ASS1: variants seen among roughly 807,000 people sequenced by gnomAD.
ASS1 encodes the protein argininosuccinate synthase.
In ASS1, 58 loss-of-function variants were observed where a neutral mutation model predicts 60.5. That is an observed-to-expected ratio of 0.96 (90% CI 0.78 to 1.19). The LOEUF is 1.19. Among genes scored for constraint, ASS1 ranks in the 50% most tolerant of loss-of-function variants. ASS1 has a pLI of 0.00. For synonymous variants in ASS1, 200 were observed against 206.9 expected (o/e 0.97, Z 0.29); for missense variants, 454 against 547.3 (o/e 0.83, Z 1.70).
At chr9:130,498,250 C>T (rs1274298242) in intron 13 of ASS1, among the ~76,000 whole-genome samples, 1 of 152,174 alleles carries the variant, frequency 6.6e-6, no homozygotes, top group Non-Finnish European at 1.5e-5. Context: ...CCTCCCAACA[C>T]CGACCCCCGC....
chr9:130,491,655 C>G lies in ASS1; in HGVS notation c.970+2191C>G, dbSNP rs975275300. Among the ~76,000 whole-genome samples the G allele has an allele frequency of 6.6e-6, 1 of 152,220 alleles. No homozygotes were observed. Among genetic ancestry groups the G allele is most frequent in the South Asian group, 2.1e-4 (1 of 4,834 alleles). ...GTGTAGGGCACAGTTTGGCTCCTGG[C>G]TGCGGTCACGATGCCTCTACACTGG... On this transcript the variant is annotated intron_variant, in intron 12 of 14. Coordinates refer to ENST00000352480, the MANE Select transcript of ASS1 (RefSeq NM_054012.4). The surrounding 1 kb of genome is among the most constrained non-coding windows in gnomAD (Gnocchi z 5.3).
chr9:130,462,142 G>A (rs1845611557), intron 4 of ASS1, among the ~76,000 whole-genome samples: 1 of 152,128 alleles, frequency 6.6e-6, no homozygotes, highest in Non-Finnish European at 1.5e-5. Context: ...CCCTTGCGGG[G>A]CTCCTCTCTC....
intron 4 of ASS1, among the ~76,000 whole-genome samples, chr9:130,463,267 C>A (rs550132667): frequency 6.6e-6 from 1 of 152,254 alleles, no homozygotes; most frequent in Non-Finnish European, 1.5e-5. Flanking sequence ...GAGACGTGCG[C>A]GGCCATTTTC....
At chr9:130,479,866 C>T (rs1846124561) in intron 10 of ASS1, 66 bp downstream of exon 10, 2 of 1,503,624 alleles carry the variant, frequency 1.3e-6, no homozygotes, top group Non-Finnish European at 1.9e-6. Context: ...GAGCCTGGAC[C>T]GTTGCAGCTA....
At chr9:130,499,377 G>A in intron 13 of ASS1, 128 bp from the exon 14 acceptor site, 1 of 947,458 alleles carries the variant, frequency 1.1e-6, no homozygotes, top group Admixed American at 2.0e-5. Flanking sequence ...CGTGCAGGGA[G>A]GGTTTGGACC....
intron 1 of ASS1, among the ~76,000 whole-genome samples, chr9:130,447,118 A>T (rs1845213172): frequency 6.6e-6 from 1 of 152,166 alleles, no homozygotes; most frequent in Non-Finnish European, 1.5e-5. Context: ...GGCTCTCCAG[A>T]GAAATAGTGG....
chr9:130,461,387 C>CAA (rs1588478231), intron 4 of ASS1, among the ~76,000 whole-genome samples: 2 of 151,950 alleles, frequency 1.3e-5, no homozygotes, highest in Non-Finnish European at 2.9e-5. Flanking sequence ...TGGGGGCCGA[C>CAA]AAAGGCGGGA....
At chr9:130,482,211 T>C (rs1342929750) in intron 11 of ASS1, among the ~76,000 whole-genome samples, 2 of 151,832 alleles carry the variant, frequency 1.3e-5, no homozygotes, top group East Asian at 1.9e-4. Context: ...TTCAAACTCA[T>C]GTATGGTGGC....
chr9:130,454,737 C>T (rs1845400934), intron 3 of ASS1, among the ~76,000 whole-genome samples: 1 of 152,036 alleles, frequency 6.6e-6, no homozygotes, highest in South Asian at 2.1e-4. Context: ...TCCATCCATC[C>T]ATCCATTCAG....
chr9:130,452,275 A>C lies in ASS1; in HGVS notation c.47A>C (p.Asp16Ala). The C allele has an allele frequency of 1.2e-6, 2 of 1,614,126 alleles. No individual in the cohort carries two copies. The highest frequency in any genetic ancestry group is 1.7e-6 in the Non-Finnish European group (2 of 1,180,024). Reference sequence around the variant, plus strand: ...GTTCTGGCCTACAGTGGCGGCCTGGACACCTCGTGCATCCTCGTGTGGCTG... The same window carrying C: ...GTTCTGGCCTACAGTGGCGGCCTGGCCACCTCGTGCATCCTCGTGTGGCTG... ...SVVLAYSGGL[D>A]TSCILVWLKE... Residue 16 changes from aspartate (D) to alanine (A), a missense_variant, in exon 2 of 15, where the codon GAC becomes GCC. Coordinates refer to ENST00000352480, the MANE Select transcript of ASS1 (RefSeq NM_054012.4).
intron 1 of ASS1, chr9:130,445,314 C>G (rs939651392): frequency 8.6e-5 from 74 of 860,894 alleles, no homozygotes; most frequent in Non-Finnish European, 9.3e-5. Context: ...TTTCTGGACT[C>G]CTTGTCGGAT....
In ASS1 at chr9:130,454,313, T is replaced by C; in HGVS notation, c.114T>C (p.Ile38=). The C allele has an allele frequency of 6.2e-7, 1 of 1,611,816 alleles. No homozygotes were observed. The highest frequency in any genetic ancestry group is 8.5e-7 in the Non-Finnish European group (1 of 1,179,408). ...CCGCTTCTGCTTCTCAGGCCAACAT[T>C]GGCCAGAAGGAAGACTTCGAGGAAG... The part of the protein sequence containing the change: ...GYDVIAYLAN[I]GQKEDFEEAR... Residue 38 remains isoleucine (I), a synonymous_variant, in exon 3 of 15, where the codon ATT becomes ATC. Coordinates refer to ENST00000352480, the MANE Select transcript of ASS1 (RefSeq NM_054012.4).
At chr9:130,448,995 C>T (rs916675130) in intron 1 of ASS1, among the ~76,000 whole-genome samples, 1 of 152,170 alleles carries the variant, frequency 6.6e-6, no homozygotes, top group African/African-American at 2.4e-5. Flanking sequence ...GGAGATGGTC[C>T]CTGTTTCCAT....
chr9:130,494,961 G>C lies in ASS1; in HGVS notation c.1065G>C (p.Lys355Asn), dbSNP rs1846543557. 6.2e-7 allele frequency: 1 copy of C among 1,613,662 alleles called. No individual in the cohort carries two copies. The highest frequency in any genetic ancestry group is 8.5e-7 in the Non-Finnish European group (1 of 1,179,994). ...VEGKVQVSVLKGQVYILGRES... is the reference protein window; with the variant it reads ...VEGKVQVSVLNGQVYILGRES... Reference sequence around the variant, plus strand: ...GGAAAGTGCAGGTGTCCGTCCTCAAGGGCCAGGTGTACATCCTCGGCCGGG... The same window carrying C: ...GGAAAGTGCAGGTGTCCGTCCTCAACGGCCAGGTGTACATCCTCGGCCGGG... Residue 355 changes from lysine (K) to asparagine (N), a missense_variant, in exon 13 of 15, where the codon AAG becomes AAC. Physicochemically the swap from Lys to Asn is moderately conservative, Grantham distance 94. Coordinates refer to ENST00000352480, the MANE Select transcript of ASS1 (RefSeq NM_054012.4). This position sits in a 1 kb window ranked among gnomAD's most constrained non-coding sequence, Gnocchi z 4.3.
At chr9:130,483,735 C>T (rs1455383588) in intron 11 of ASS1, among the ~76,000 whole-genome samples, 2 of 145,112 alleles carry the variant, frequency 1.4e-5, no homozygotes, top group East Asian at 2.0e-4. Flanking sequence ...TGCCTGCCCC[C>T]GCCTTGCTCC....
At chr9:130,483,645 C>T (rs1395452892) in intron 11 of ASS1, among the ~76,000 whole-genome samples, 1 of 151,864 alleles carries the variant, frequency 6.6e-6, no homozygotes, top group African/African-American at 2.4e-5. Flanking sequence ...CAGCCTCTTT[C>T]TCTGTCTCCT....
At position 130,478,099 on chromosome 9, in the gene ASS1, T is replaced by A. The variant is rs114631977; in HGVS notation, c.688+1138T>A. Among the ~76,000 whole-genome samples the A allele has an allele frequency of 7.4e-4, 113 of 152,180 alleles. No homozygotes were observed. The highest frequency in any genetic ancestry group is 2.7e-3 in the African/African-American group (111 of 41,520). ...GCCCGGCATGGTATGTGGAATGGGG[T>A]GTCGGAGGCTAAGTGCTTTAATAAT... On this transcript the variant is annotated intron_variant, in intron 9 of 14. Transcript: ENST00000352480. This position sits in a 1 kb window ranked among gnomAD's most constrained non-coding sequence, Gnocchi z 4.7.
intron 11 of ASS1, among the ~76,000 whole-genome samples, chr9:130,482,326 G>A (rs1056167613): frequency 1.1e-4 from 16 of 151,430 alleles, no homozygotes; most frequent in Admixed American, 3.9e-4. Context: ...TCAGTGTGGC[G>A]GGGGGTGGGG....
chr9:130,471,579 T>C lies in ASS1; in HGVS notation c.597+64T>C, dbSNP rs1845867591. 6.5e-5 allele frequency: 101 copies of C among 1,548,056 alleles called. 1 individual carries two copies. Among genetic ancestry groups the C allele is most frequent in the Non-Finnish European group, 8.3e-5 (93 of 1,120,022 alleles). ...TTTGGTGGTAGCAGCTCCATGCCGA[T>C]GCTGTCTGATGTATTTATAGCCTAA... On this transcript the variant is annotated intron_variant, in intron 8 of 14. Coordinates refer to ENST00000352480, the MANE Select transcript of ASS1 (RefSeq NM_054012.4).
Sources: gnomAD v4.1 joint callset for allele counts (sites outside exome capture counted in the v4.1 genomes callset) on GRCh38, gnomAD v4.1.1 for gene constraint, Gnocchi (gnomAD v3.1) non-coding constraint, MANE v1.5 for transcripts, NCBI Gene and HGNC (gene_info 2026-07-23, HGNC 2026-07-21) for gene names.